Variants in LRRFIP2 observed in about 807,000 individuals in gnomAD.
LRRFIP2 encodes the protein LRR binding FLII interacting protein 2.
In LRRFIP2, 109 loss-of-function variants were observed where a neutral mutation model predicts 125.9. The observed-to-expected ratio is 0.87, with a 90% confidence interval of 0.74 to 1.01. The LOEUF is 1.01. Ranked by LOEUF, LRRFIP2 falls within the 50% of genes least tolerant of loss-of-function variation. The pLI is 0.00. For missense variants in LRRFIP2, 850 were observed against 862.3 expected, an observed-to-expected ratio of 0.99 and a Z score of 0.18; for synonymous variants, 291 against 293.1, an observed-to-expected ratio of 0.99 and a Z score of 0.07.
At chr3:37,159,102 A>G (rs1252221036) in intron 1 of LRRFIP2, among the ~76,000 whole-genome samples, 1 of 152,184 alleles carries the variant, frequency 6.6e-6, no homozygotes, top group African/African-American at 2.4e-5. Flanking sequence ...TTTTCTTCTA[A>G]GAGTTTCAGT....
chr3:37,114,985 T>C, intron 7 of LRRFIP2, 69 bp downstream of exon 7: 1 of 1,199,812 alleles, frequency 8.3e-7, no homozygotes, highest in East Asian at 2.4e-5. Flanking sequence ...AGTCATATTC[T>C]ATAATTAGCA....
At chr3:37,118,358 T>C (rs950935375) in intron 6 of LRRFIP2, among the ~76,000 whole-genome samples, 15 of 152,320 alleles carry the variant, frequency 9.8e-5, no homozygotes, top group African/African-American at 3.6e-4. Flanking sequence ...CCACCGTGCC[T>C]GGCCAAGATC....
At chr3:37,081,353 T>C (rs1576257997) in intron 19 of LRRFIP2, among the ~76,000 whole-genome samples, 2 of 152,190 alleles carry the variant, frequency 1.3e-5, no homozygotes, top group African/African-American at 4.8e-5. Context: ...GTATAATTAT[T>C]ATGGAATGGT....
chr3:37,162,071 G>A (rs972177412), intron 1 of LRRFIP2, among the ~76,000 whole-genome samples: 50 of 145,860 alleles, frequency 3.4e-4, no homozygotes, highest in African/African-American at 1.1e-3. Context: ...CAGGAGCATC[G>A]CTTGAGCCCA....
At chr3:37,153,252 A>AGTTTT in intron 1 of LRRFIP2, among the ~76,000 whole-genome samples, 1 of 152,210 alleles carries the variant, frequency 6.6e-6, no homozygotes, top group Middle Eastern at 3.4e-3. Context: ...TTAGCCAGGC[A>AGTTTT]TGGTGGCACA....
At chr3:37,164,971 G>A (rs1007870981) in intron 1 of LRRFIP2, among the ~76,000 whole-genome samples, 26 of 152,068 alleles carry the variant, frequency 1.7e-4, no homozygotes, top group Admixed American at 2.6e-4. Flanking sequence ...TGCGGTGGCT[G>A]ACGCCTGTAA....
rs1377605054 is a variant in LRRFIP2, at chr3:37,058,852, C to T, written c.1808G>A (p.Gly603Asp). 15 of 1,613,876 alleles carry T rather than the reference C, an allele frequency of 9.3e-6. No individual in the cohort carries two copies. The highest frequency in any genetic ancestry group is 1.3e-5 in the African/African-American group (1 of 74,878). Residue 603 changes from glycine to aspartate, a missense_variant, in exon 25 of 28, where the codon GGC (glycine) becomes GAC (aspartate). Coordinates refer to ENST00000336686, the MANE Select transcript of LRRFIP2 (RefSeq NM_006309.4). ...EERQKCSRND[G>D]TVGDLAGLQN... ...CAGTCCTGCCAGGTCACCCACTGTG[C>T]CATCATTCCTGGAGCATTTCTGTCG...
At chr3:37,066,892 C>G (rs2090273215) in intron 21 of LRRFIP2, 1 of 152,560 alleles carries the variant, frequency 6.6e-6, no homozygotes, top group African/African-American at 2.4e-5. Flanking sequence ...AGTTAACCTC[C>G]AAAAGGATTC....
In LRRFIP2 at chr3:37,096,676, G is replaced by C. The variant is rs769655672; in HGVS notation, c.874-16C>G. ...TTTCATCCAACTAGAAAAGAACAAA[G>C]ATAAAAATCAGTAAAGATGCTTAGC... On this transcript the variant is annotated splice_polypyrimidine_tract_variant and intron_variant, in intron 15 of 27. Transcript: ENST00000336686. The C allele has an allele frequency of 6.6e-7, 1 of 1,511,502 alleles. No individual in the cohort carries two copies. The highest frequency in any genetic ancestry group is 9.1e-7 in the Non-Finnish European group (1 of 1,104,260). The allele number at this position is 1,511,502 out of a possible 1,614,324, so 93.6% of individuals were successfully genotyped here. A position where few individuals can be genotyped will look rare whatever the true frequency, so the allele number is the denominator to read the frequency against.
intron 15 of LRRFIP2, 61 bp from the exon 16 acceptor site, chr3:37,096,721 G>A: frequency 3.4e-6 from 3 of 878,864 alleles, no homozygotes; most frequent in Non-Finnish European, 5.4e-6. Context: ...TTTTTTGGGA[G>A]GAAAAAAGTG....
At chr3:37,063,680 G>T in intron 24 of LRRFIP2, 62 bp downstream of exon 24, 1 of 1,169,800 alleles carries the variant, frequency 8.5e-7, no homozygotes, top group Non-Finnish European at 1.3e-6. Flanking sequence ...ATTTCAATTA[G>T]CCAGTATTTT....
chr3:37,151,249 C>T (rs2096013905), intron 1 of LRRFIP2, among the ~76,000 whole-genome samples: 1 of 151,914 alleles, frequency 6.6e-6, no homozygotes, highest in African/African-American at 2.4e-5. Flanking sequence ...ATCCCAGGTA[C>T]TCGGGAGGCT....
intron 20 of LRRFIP2, among the ~76,000 whole-genome samples, chr3:37,073,098 CA>C (rs1393561182): frequency 6.6e-6 from 1 of 152,170 alleles, no homozygotes; most frequent in African/African-American, 2.4e-5. Flanking sequence ...CAAAAGTAAG[CA>C]AAGGAACCAG....
At chr3:37,057,124 T>C (rs1396463113) in intron 25 of LRRFIP2, among the ~76,000 whole-genome samples, 1 of 152,180 alleles carries the variant, frequency 6.6e-6, no homozygotes, top group African/African-American at 2.4e-5. Context: ...AAAGCTCACT[T>C]TGTTCTACAC....
intron 21 of LRRFIP2, chr3:37,066,709 A>C (rs184193382): frequency 4.7e-5 from 8 of 170,864 alleles, no homozygotes; most frequent in East Asian, 1.5e-4. Flanking sequence ...AACAAAAAAA[A>C]CCCCACATTT....
At chr3:37,105,417 A>G (rs371153358) in intron 14 of LRRFIP2, 38 bp downstream of exon 14, 3 of 1,570,458 alleles carry the variant, frequency 1.9e-6, no homozygotes, top group African/African-American at 1.4e-5. Context: ...CTGTCATTTA[A>G]AACTCATCTT....
intron 14 of LRRFIP2, 23 bp downstream of exon 14, chr3:37,105,432 C>A: frequency 2.1e-5 from 33 of 1,603,902 alleles, no homozygotes; most frequent in Non-Finnish European, 2.7e-5. Flanking sequence ...CATCTTATTT[C>A]TTTGCATGCA....
In LRRFIP2 at chr3:37,055,114, T is replaced by A. The variant is rs1036774831; in HGVS notation, c.1922A>T (p.Glu641Val). Residue 641 changes from glutamate to valine, a missense_variant, in exon 26 of 28, where the codon GAA becomes GTA. By Grantham distance (121) the Glu-to-Val change is moderately radical. Coordinates refer to ENST00000336686, the MANE Select transcript of LRRFIP2 (RefSeq NM_006309.4). ...TTGCTCCAAGGTAGTTATATCCTGTTCTGCTTTTGAAAGCTTAAATTTGTA... is the reference window on the plus strand; with the variant it reads ...TTGCTCCAAGGTAGTTATATCCTGTACTGCTTTTGAAAGCTTAAATTTGTA... ...SEYKFKLSKAEQDITTLEQSI... is the reference protein window; with the variant it reads ...SEYKFKLSKAVQDITTLEQSI... 3.8e-6 allele frequency: 6 copies of A among 1,597,308 alleles called. No individual in the cohort carries two copies. Among genetic ancestry groups the A allele is most frequent in the Non-Finnish European group, 5.1e-6 (6 of 1,174,430 alleles).
At chr3:37,168,842 T>C (rs1357392543) in intron 1 of LRRFIP2, among the ~76,000 whole-genome samples, 1 of 152,186 alleles carries the variant, frequency 6.6e-6, no homozygotes, top group Non-Finnish European at 1.5e-5. Flanking sequence ...TTCATAGATG[T>C]GCTCATAGCA....
Sources: allele counts gnomAD v4.1 joint callset (sites outside exome capture counted in the v4.1 genomes callset), GRCh38; gene constraint gnomAD v4.1.1; transcripts MANE v1.5; gene names NCBI Gene and HGNC (gene_info 2026-07-23, HGNC 2026-07-21).